CNTLN: variants seen among roughly 807,000 people sequenced by gnomAD.
CNTLN encodes centlein, also known as centlein, centrosomal protein.
A neutral mutation model predicts 180.0 loss-of-function variants in CNTLN; 212 were observed. That is an observed-to-expected ratio of 1.18 (90% CI 1.05 to 1.32). The LOEUF is 1.32. Among genes scored for constraint, CNTLN ranks in the 40% most tolerant of loss-of-function variants. CNTLN has a pLI of 0.00. For synonymous variants in CNTLN, 722 were observed against 563.1 expected, an observed-to-expected ratio of 1.28 and a Z score of -3.99; for missense variants, 2,095 against 1,610.9, an observed-to-expected ratio of 1.30 and a Z score of -5.14.
chr9:17,298,915 C>T, intron 7 of CNTLN: 5 of 985,234 alleles, frequency 5.1e-6, no homozygotes, highest in Non-Finnish European at 6.0e-6. Flanking sequence ...TGCTAACTGA[C>T]TCAGCAGCAA....
At chr9:17,189,076 T>G (rs1821624165) in intron 2 of CNTLN, among the ~76,000 whole-genome samples, 2 of 120,002 alleles carry the variant, frequency 1.7e-5, no homozygotes, top group African/African-American at 3.7e-5. Flanking sequence ...GGACTTAGTT[T>G]TTTTTTTTTT....
chr9:17,236,605 G>A lies in CNTLN; in HGVS notation c.849+17G>A. The stretch of plus-strand genomic sequence containing the variant: ...AAAATAAAGGTATACAATAGGAATG[G>A]AATCCATACTCCTCTTTTGGATCTA... On this transcript the variant is annotated intron_variant, in intron 5 of 25. Transcript: ENST00000380647. 2 of 1,574,372 alleles carry A rather than the reference G, an allele frequency of 1.3e-6. No individual in the cohort carries two copies. The highest frequency in any genetic ancestry group is 1.7e-6 in the Non-Finnish European group (2 of 1,162,098).
chr9:17,354,987 C>T (rs530057126), intron 12 of CNTLN, among the ~76,000 whole-genome samples: 86 of 152,120 alleles, frequency 5.7e-4, no homozygotes, highest in Non-Finnish European at 9.4e-4. Flanking sequence ...ACACTCACCG[C>T]GAAGGTCTGC....
intron 6 of CNTLN, among the ~76,000 whole-genome samples, chr9:17,290,960 AC>A (rs1829357103): frequency 1.3e-5 from 2 of 151,880 alleles, no homozygotes; most frequent in African/African-American, 4.8e-5. Context: ...TGCAGAAATC[AC>A]CCGTCTTCTG....
intron 2 of CNTLN, among the ~76,000 whole-genome samples, chr9:17,185,016 A>G (rs1168837158): frequency 1.3e-5 from 2 of 152,242 alleles, no homozygotes; most frequent in Non-Finnish European, 2.9e-5. Flanking sequence ...CATTTAATTT[A>G]TCTACTCTTG....
intron 6 of CNTLN, among the ~76,000 whole-genome samples, chr9:17,290,610 G>C (rs11496329): frequency 0.059 from 6,536 of 110,988 alleles, 354 homozygotes; most frequent in Middle Eastern, 0.12. Flanking sequence ...CCCCCAGCCT[G>C]GCTGCCGCCT....
chr9:17,485,266 TG>T (rs775854921), intron 24 of CNTLN, among the ~76,000 whole-genome samples: 3 of 152,144 alleles, frequency 2.0e-5, no homozygotes, highest in East Asian at 1.9e-4. Flanking sequence ...TAGACTTGGG[TG>T]TCTGTATGAG....
intron 5 of CNTLN, among the ~76,000 whole-genome samples, chr9:17,257,946 T>C (rs1468938403): frequency 9.6e-5 from 14 of 145,784 alleles, no homozygotes; most frequent in Middle Eastern, 3.6e-3. Flanking sequence ...ACTCTGATGG[T>C]AGTTTCTTTT....
At chr9:17,525,145 C>T in the CNTLN span, among the ~76,000 whole-genome samples, 1 of 152,156 alleles carries the variant, frequency 6.6e-6, no homozygotes, top group African/African-American at 2.4e-5. Flanking sequence ...CAACATCCCT[C>T]AGCCAAAACA....
intron 2 of CNTLN, among the ~76,000 whole-genome samples, chr9:17,148,309 A>C (rs1375268586): frequency 6.6e-6 from 1 of 152,220 alleles, no homozygotes; most frequent in African/African-American, 2.4e-5. Flanking sequence ...CACTACAAAT[A>C]CTTAATTAGC....
intron 6 of CNTLN, among the ~76,000 whole-genome samples, chr9:17,280,309 T>C (rs1828586176): frequency 6.6e-6 from 1 of 152,204 alleles, no homozygotes; most frequent in Non-Finnish European, 1.5e-5. Flanking sequence ...CCCTTTGATC[T>C]GTATCTAGAG....
At chr9:17,275,103 A>G (rs569498893) in intron 6 of CNTLN, among the ~76,000 whole-genome samples, 2 of 152,264 alleles carry the variant, frequency 1.3e-5, no homozygotes, top group South Asian at 4.1e-4. Context: ...TAGGAATAGA[A>G]TCTTAGATTT....
intron 2 of CNTLN, among the ~76,000 whole-genome samples, chr9:17,164,578 C>G (rs1395056701): frequency 1.4e-5 from 2 of 145,546 alleles, no homozygotes; most frequent in Non-Finnish European, 3.0e-5. Flanking sequence ...TCCCGAGTAG[C>G]TGGGATTACA....
chr9:17,244,918 C>T (rs759388394), intron 5 of CNTLN, among the ~76,000 whole-genome samples: 3 of 152,150 alleles, frequency 2.0e-5, no homozygotes, highest in Admixed American at 6.6e-5. Flanking sequence ...AAGAAACACT[C>T]AAAGAGAAAA....
In CNTLN at chr9:17,156,000, C is replaced by A. The variant is rs558415266; in HGVS notation, c.449+12624C>A. Among the ~76,000 whole-genome samples the A allele has an allele frequency of 1.8e-4, 27 of 152,308 alleles. No homozygotes were observed. The East Asian group carries it at 5.0e-3, about 28-fold the overall frequency. ...GGTAGGGGAGAAAATTCCCCCACCC[C>A]TTGTGCTTCCAGGTGAGGCGGTGCC... On this transcript the variant is annotated intron_variant, in intron 2 of 25. Coordinates refer to ENST00000380647, the MANE Select transcript of CNTLN (RefSeq NM_017738.4).
At chr9:17,215,703 G>T (rs1345591900) in intron 2 of CNTLN, among the ~76,000 whole-genome samples, 1 of 152,114 alleles carries the variant, frequency 6.6e-6, no homozygotes, top group Admixed American at 6.5e-5. Context: ...GCTCCACGCA[G>T]TTCGAGCTTC....
At chr9:17,471,743 C>T (rs186540781) in intron 23 of CNTLN, among the ~76,000 whole-genome samples, 15 of 152,084 alleles carry the variant, frequency 9.9e-5, no homozygotes, top group African/African-American at 3.6e-4. Context: ...TTTAGAGTTG[C>T]TCAGAGAGCA....
At chr9:17,458,221 G>GAA (rs372988826) in intron 19 of CNTLN, among the ~76,000 whole-genome samples, 27 of 133,274 alleles carry the variant, frequency 2.0e-4, no homozygotes, top group Admixed American at 6.0e-4. Flanking sequence ...TGAGAGGAGA[G>GAA]AAAAAAAAAA....
Position 17,330,816 on chromosome 9 carries a change from C to T in CNTLN, c.1518+8C>T, listed in dbSNP as rs1270204174. On this transcript the variant is annotated splice_region_variant and intron_variant, in intron 9 of 25. Transcript: ENST00000380647. Reference sequence around the variant, plus strand: ...GCTGAAGGAAAACATAAGGTAGGGACATTTTGTCATTTTGTGAATTTGCCA... The same window carrying T: ...GCTGAAGGAAAACATAAGGTAGGGATATTTTGTCATTTTGTGAATTTGCCA... 6.3e-7 allele frequency: 1 copy of T among 1,587,188 alleles called. No homozygotes were observed.
Sources: allele counts gnomAD v4.1 joint callset (sites outside exome capture counted in the v4.1 genomes callset), GRCh38; gene constraint gnomAD v4.1.1; transcripts MANE v1.5; gene names NCBI Gene and HGNC (gene_info 2026-07-23, HGNC 2026-07-21).